Variants in LSP1 observed in about 807,000 individuals in gnomAD.
LSP1 encodes lymphocyte-specific protein 1.
A neutral mutation model predicts 49.3 loss-of-function variants in LSP1; 32 were observed. That is an observed-to-expected ratio of 0.65 (90% CI 0.49 to 0.87). LSP1 has a LOEUF of 0.87. LSP1 is among the 40% of genes least tolerant of loss of function. LSP1 has a pLI of 0.00. For missense variants in LSP1, 428 were observed against 442.6 expected (o/e 0.97, Z 0.30); for synonymous variants, 179 against 178.8 (o/e 1.00, Z -0.01).
intron 1 of LSP1, chr11:1,863,123 G>A (rs72843938): frequency 0.15 from 23,422 of 152,256 alleles, 2,278 homozygotes; most frequent in South Asian, 0.3. Flanking sequence ...CAGTCTCCAT[G>A]GGGTAGCCCA....
At position 1,868,163 on chromosome 11, in the gene LSP1, C is replaced by T. The variant is rs1041474154; in HGVS notation, c.54-11924C>T. ...AGCCCACTCAACTCCAGACGTCACCCGGACTCAGCCAGCGGCCTGGCCCTG... is the reference window on the plus strand; with the variant it reads ...AGCCCACTCAACTCCAGACGTCACCTGGACTCAGCCAGCGGCCTGGCCCTG... On this transcript the variant is annotated intron_variant, in intron 1 of 10. Coordinates refer to ENST00000311604, the MANE Select transcript of LSP1 (RefSeq NM_002339.3). Among the ~76,000 whole-genome samples the T allele has an allele frequency of 3.3e-5, 5 of 152,380 alleles. No individual in the cohort carries two copies. In the East Asian group the frequency reaches 5.8e-4, roughly 18 times the overall value.
At chr11:1,873,506 G>A (rs1265437645) in intron 1 of LSP1, among the ~76,000 whole-genome samples, 1 of 149,048 alleles carries the variant, frequency 6.7e-6, no homozygotes, top group Non-Finnish European at 1.5e-5. Context: ...AAGATGGAGG[G>A]AGGGAGGGAG....
intron 1 of LSP1, chr11:1,870,206 C>T: frequency 8.6e-7 from 1 of 1,159,912 alleles, no homozygotes; most frequent in Non-Finnish European, 1.2e-6. Context: ...ATCCCAAGGC[C>T]ATGTGAGTCT....
chr11:1,878,153 G>C (rs1353560770), intron 1 of LSP1, among the ~76,000 whole-genome samples: 1 of 152,128 alleles, frequency 6.6e-6, no homozygotes, highest in African/African-American at 2.4e-5. Flanking sequence ...GGAGGGGCTG[G>C]GACATGGGAA....
chr11:1,877,844 C>T lies in LSP1; in HGVS notation c.54-2243C>T, dbSNP rs142082623. 8.4e-4 allele frequency among the ~76,000 whole-genome samples: 127 copies of T among 151,950 alleles called. 2 individuals are homozygous for T. In the East Asian group the frequency reaches 0.024, roughly 28 times the overall value. On this transcript the variant is annotated intron_variant, in intron 1 of 10. Transcript: ENST00000311604. Reference sequence around the variant, plus strand: ...AGGCCTAGGGAGTCCTGCGCCCGGCCGCACTCCATGTGTTGGGCATGAGCT... The same window carrying T: ...AGGCCTAGGGAGTCCTGCGCCCGGCTGCACTCCATGTGTTGGGCATGAGCT...
intron 1 of LSP1, among the ~76,000 whole-genome samples, chr11:1,861,146 A>G (rs1847618980): frequency 6.6e-6 from 1 of 152,250 alleles, no homozygotes; most frequent in African/African-American, 2.4e-5. Flanking sequence ...TCTCTTTTCA[A>G]ATAAGAAAAG....
At position 1,886,817 on chromosome 11, in the gene LSP1, A is replaced by AGAC. The variant is rs762512174; in HGVS notation, c.805_807dup (p.Thr269dup). The stretch of plus-strand genomic sequence containing the variant: ...GTGGCCAGTACCAAGAGTCGGTGGG[A>AGAC]GACGGGTGAGGTACAGGCTCAGTCT... On this transcript the variant is annotated inframe_insertion, in exon 8 of 11. Coordinates refer to ENST00000311604, the MANE Select transcript of LSP1 (RefSeq NM_002339.3). 1.2e-6 allele frequency: 2 copies of AGAC among 1,611,646 alleles called. No homozygotes were observed. The highest frequency in any genetic ancestry group is 1.7e-6 in the Non-Finnish European group (2 of 1,179,738).
chr11:1,879,905 C>T (rs1459807381), intron 1 of LSP1, 182 bp from the exon 2 acceptor site: 9 of 631,706 alleles, frequency 1.4e-5, no homozygotes, highest in Admixed American at 1.1e-4. Flanking sequence ...CTCATGACCA[C>T]GTGGGCAGCC....
chr11:1,871,118 G>T, intron 1 of LSP1: 2 of 985,544 alleles, frequency 2.0e-6, no homozygotes, highest in South Asian at 4.7e-5. Flanking sequence ...CCCGCAGGTC[G>T]CCTCGCTCGT....
intron 1 of LSP1, among the ~76,000 whole-genome samples, chr11:1,865,929 G>A (rs575392841): frequency 1.3e-5 from 2 of 152,054 alleles, no homozygotes; most frequent in East Asian, 3.9e-4. Flanking sequence ...GAAGGTGCCC[G>A]GGCCTTGTCC....
chr11:1,877,606 G>A (rs572719715), intron 1 of LSP1, among the ~76,000 whole-genome samples: 1 of 152,140 alleles, frequency 6.6e-6, no homozygotes, highest in Non-Finnish European at 1.5e-5. Flanking sequence ...CCTCACTAAA[G>A]TGAGGCTGCG....
chr11:1,866,750 G>A, intron 1 of LSP1: 14 of 1,550,566 alleles, frequency 9.0e-6, no homozygotes, highest in Non-Finnish European at 1.2e-5. Context: ...CAATCCCCCA[G>A]GCTCACCAGT....
intron 2 of LSP1, 71 bp downstream of exon 2, chr11:1,880,295 G>C: frequency 6.9e-7 from 1 of 1,447,024 alleles, no homozygotes; most frequent in Non-Finnish European, 9.1e-7. Flanking sequence ...GGCAGAGGGG[G>C]AGGTCAAGGG....
chr11:1,866,569 C>G, intron 1 of LSP1: 15 of 1,549,050 alleles, frequency 9.7e-6, no homozygotes, highest in Non-Finnish European at 1.2e-5. Context: ...TGGCTGGGCA[C>G]ACCTCATCCC....
intron 1 of LSP1, among the ~76,000 whole-genome samples, chr11:1,857,917 G>A (rs930662087): frequency 6.6e-5 from 10 of 152,096 alleles, no homozygotes; most frequent in African/African-American, 2.4e-4. Flanking sequence ...ACTGCCCCCG[G>A]CTAATTTTTG....
At chr11:1,877,638 A>AG (rs111674386) in intron 1 of LSP1, among the ~76,000 whole-genome samples, 19,692 of 152,234 alleles carry the variant, frequency 0.13, 1,349 homozygotes, top group African/African-American at 0.18. Flanking sequence ...GGATCCCTGG[A>AG]GGGGGACGTG....
rs547334826 is a variant in LSP1, at chr11:1,865,512, G to A, written c.53+12315G>A. Among the ~76,000 whole-genome samples the A allele has an allele frequency of 1.2e-4, 18 of 150,964 alleles. No homozygotes were observed. The East Asian group carries it at 2.8e-3, about 23-fold the overall frequency. ...CCTTCCCCATCCCACCTGCACTGCCGGCTGCGCTGTCGCCTGCTCACACCG... is the reference window on the plus strand; with the variant it reads ...CCTTCCCCATCCCACCTGCACTGCCAGCTGCGCTGTCGCCTGCTCACACCG... On this transcript the variant is annotated intron_variant, in intron 1 of 10. Transcript: ENST00000311604.
chr11:1,870,472 G>C, intron 1 of LSP1: 1 of 1,197,828 alleles, frequency 8.3e-7, no homozygotes, highest in Non-Finnish European at 1.1e-6. Context: ...AAAGCTTCGG[G>C]GAGGGGCCGG....
chr11:1,889,229 G>T, intron 10 of LSP1: 1 of 674,794 alleles, frequency 1.5e-6, no homozygotes, highest in Admixed American at 2.2e-5. Context: ...CTGTGGGAGG[G>T]GGCCGGGTGG....
Sources: gnomAD v4.1 joint callset for allele counts (sites outside exome capture counted in the v4.1 genomes callset) on GRCh38, gnomAD v4.1.1 for gene constraint, MANE v1.5 for transcripts, NCBI Gene and HGNC (gene_info 2026-07-23, HGNC 2026-07-21) for gene names.